The following MARCHF1 variants were observed in gnomAD, a reference collection of about 807,000 sequenced individuals.
The protein encoded by MARCHF1 is membrane associated ring-CH-type finger 1.
In MARCHF1, 40 loss-of-function variants were observed where a neutral mutation model predicts 54.2. The ratio of observed to expected loss-of-function variants is 0.74; its 90% CI spans 0.57 to 0.96. The LOEUF is 0.96. MARCHF1 is among the 40% of genes least tolerant of loss of function. The pLI is 0.00. For missense variants in MARCHF1, 586 were observed against 656.5 expected, an observed-to-expected ratio of 0.89 and a Z score of 1.17; for synonymous variants, 236 against 236.3, an observed-to-expected ratio of 1.00 and a Z score of 0.01.
chr4:163,701,287 C>A (rs1744802954), intron 4 of MARCHF1, among the ~76,000 whole-genome samples: 1 of 152,136 alleles, frequency 6.6e-6, no homozygotes, highest in African/African-American at 2.4e-5. Context: ...ATGCTATATA[C>A]ATCCACCTCG....
chr4:163,893,784 T>C (rs1346549240), intron 3 of MARCHF1, among the ~76,000 whole-genome samples: 1 of 152,126 alleles, frequency 6.6e-6, no homozygotes, highest in Admixed American at 6.6e-5. Context: ...TGAAGAGACA[T>C]TTAATAGCAT....
At chr4:164,165,362 G>GTC (rs55721102) in intron 1 of MARCHF1, among the ~76,000 whole-genome samples, 189 of 148,740 alleles carry the variant, frequency 1.3e-3, no homozygotes, top group African/African-American at 2.4e-3. Flanking sequence ...TTTTCTCTCT[G>GTC]TCTCTCTCTC....
At chr4:164,101,408 G>A (rs1451282203) in intron 2 of MARCHF1, among the ~76,000 whole-genome samples, 1 of 121,776 alleles carries the variant, frequency 8.2e-6, no homozygotes, top group Non-Finnish European at 1.8e-5. Flanking sequence ...GCACGCAGCT[G>A]GAGATCTGAG....
intron 4 of MARCHF1, among the ~76,000 whole-genome samples, chr4:163,739,486 GT>G (rs1290631799): frequency 6.6e-6 from 1 of 152,202 alleles, no homozygotes; most frequent in Admixed American, 6.5e-5. Flanking sequence ...TGTGTGGTAA[GT>G]GTTATAGAAC....
intron 1 of MARCHF1, among the ~76,000 whole-genome samples, chr4:164,145,755 C>T (rs2110884839): frequency 7.1e-6 from 1 of 140,728 alleles, no homozygotes. Context: ...CCTTTGAAAA[C>T]TGGCACAAGA....
intron 1 of MARCHF1, among the ~76,000 whole-genome samples, chr4:164,353,907 A>C (rs376922028): frequency 1.2e-4 from 15 of 122,554 alleles, no homozygotes; most frequent in African/African-American, 4.6e-4. Flanking sequence ...TCAAATAGAC[A>C]CAATAAAAAA....
intron 4 of MARCHF1, among the ~76,000 whole-genome samples, chr4:163,728,334 CA>C (rs1182697677): frequency 6.6e-6 from 1 of 152,018 alleles, no homozygotes; most frequent in African/African-American, 2.4e-5. Context: ...TGTTGATATC[CA>C]AAAAATAACT....
intron 1 of MARCHF1, among the ~76,000 whole-genome samples, chr4:164,276,947 T>TATATATATATATAGAGAGAGAGAGAG (rs1392528920): frequency 8.4e-6 from 1 of 118,802 alleles, no homozygotes; most frequent in South Asian, 3.5e-4. Flanking sequence ...TATATATATA[T>TATATATATATATAGAGAGAGAGAGAG]AGAGAGAGAG....
intron 7 of MARCHF1, 120 bp downstream of exon 7, chr4:163,612,151 C>T: frequency 1.1e-6 from 1 of 880,518 alleles, no homozygotes; most frequent in Non-Finnish European, 1.6e-6. Context: ...TATATCCAAT[C>T]AGAAAAAGAA....
At chr4:164,172,422 C>G (rs1407324889) in intron 1 of MARCHF1, among the ~76,000 whole-genome samples, 1 of 151,970 alleles carries the variant, frequency 6.6e-6, no homozygotes, top group Non-Finnish European at 1.5e-5. Flanking sequence ...AAGAATGAAG[C>G]CCCTAGACGA....
chr4:164,108,850 T>C (rs1293948111), intron 2 of MARCHF1, among the ~76,000 whole-genome samples: 1 of 152,046 alleles, frequency 6.6e-6, no homozygotes, highest in African/African-American at 2.4e-5. Flanking sequence ...CATAATCCTC[T>C]CTTAAGAGAA....
chr4:164,069,828 C>T (rs1274291543), intron 2 of MARCHF1, among the ~76,000 whole-genome samples: 1 of 152,148 alleles, frequency 6.6e-6, no homozygotes, highest in East Asian at 1.9e-4. Context: ...TGTTTATCAC[C>T]ATGAAATTTA....
intron 4 of MARCHF1, among the ~76,000 whole-genome samples, chr4:163,778,401 A>G (rs557621491): frequency 6.6e-6 from 1 of 152,286 alleles, no homozygotes; most frequent in East Asian, 1.9e-4. Flanking sequence ...TAGCCATTCT[A>G]GTGGTATGTG....
intron 4 of MARCHF1, among the ~76,000 whole-genome samples, chr4:163,808,165 C>T (rs1426803454): frequency 6.6e-6 from 1 of 152,190 alleles, no homozygotes; most frequent in Non-Finnish European, 1.5e-5. Context: ...GTAACTGCAA[C>T]AAAACCCCCA....
At chr4:163,857,349 C>T (rs1327959856) in intron 3 of MARCHF1, among the ~76,000 whole-genome samples, 1 of 152,096 alleles carries the variant, frequency 6.6e-6, no homozygotes, top group Non-Finnish European at 1.5e-5. Context: ...GTAGACCAGC[C>T]TTCTTCCTAC....
At chr4:164,217,844 C>T (rs1447662833) in intron 1 of MARCHF1, among the ~76,000 whole-genome samples, 2 of 152,018 alleles carry the variant, frequency 1.3e-5, no homozygotes, top group African/African-American at 4.8e-5. Context: ...ACAGAATAGG[C>T]TGGGGAATTG....
chr4:163,792,151 TCAA>T lies in MARCHF1; in HGVS notation c.111+61867_111+61869del, dbSNP rs1014019086. On this transcript the variant is annotated intron_variant, in intron 4 of 9. Coordinates refer to ENST00000514618, the MANE Select transcript of MARCHF1 (RefSeq NM_001394959.1). ...TGCAGTTGCCACCAAGGCCTTTAGATCAACAACATGTCATTATGCCATAACGAT... is the reference window on the plus strand; with the variant it reads ...TGCAGTTGCCACCAAGGCCTTTAGATCAACATGTCATTATGCCATAACGAT... Among the ~76,000 whole-genome samples, 15 of 152,224 alleles carry T rather than the reference TCAA, an allele frequency of 9.9e-5. 1 individual carries two copies. The highest frequency in any genetic ancestry group is 8.5e-4 in the Admixed American group (13 of 15,276).
rs982788460 is a variant in MARCHF1 at position 163,527,867 on chromosome 4, T to C, written c.*881A>G. 2.0e-5 allele frequency: 3 copies of C among 152,076 alleles called. No homozygotes were observed. The highest frequency in any genetic ancestry group is 4.4e-5 in the Non-Finnish European group (3 of 67,966). The allele number at this position is 152,076 out of a possible 1,614,324, so 9.4% of individuals were successfully genotyped here. The stretch of plus-strand genomic sequence containing the variant: ...ATTGATGACATGTTGAAATAACATA[T>C]AGTGTTTTTAAAAAATCAAAATTCA... On this transcript the variant is annotated 3_prime_UTR_variant, in exon 10 of 10. Coordinates refer to ENST00000514618, the MANE Select transcript of MARCHF1 (RefSeq NM_001394959.1).
At chr4:164,028,059 A>T (rs1199491257) in intron 2 of MARCHF1, among the ~76,000 whole-genome samples, 4 of 152,154 alleles carry the variant, frequency 2.6e-5, no homozygotes, top group Non-Finnish European at 5.9e-5. Flanking sequence ...TATTATTAAA[A>T]AGTCAAAAAT....
Sources: allele counts gnomAD v4.1 joint callset (sites outside exome capture counted in the v4.1 genomes callset), GRCh38; gene constraint gnomAD v4.1.1; transcripts MANE v1.5; gene names NCBI Gene and HGNC (gene_info 2026-07-23, HGNC 2026-07-21).